Variants in CDH12 observed in about 807,000 individuals in gnomAD.
CDH12 encodes the protein cadherin-12.
Under a neutral mutation model 74.1 loss-of-function variants are expected in CDH12, and 41 were observed. The observed-to-expected ratio is 0.55, with a 90% CI of 0.43 to 0.72. The LOEUF is 0.72. Among genes scored for constraint, CDH12 ranks in the 30% least tolerant of loss-of-function variants. CDH12 has a pLI of 0.00. For synonymous variants in CDH12, 399 were observed against 355.0 expected (o/e 1.12, Z -1.39); for missense variants, 945 against 977.2 (o/e 0.97, Z 0.44).
intron 3 of CDH12, among the ~76,000 whole-genome samples, chr5:22,370,276 T>C (rs1271883101): frequency 6.6e-6 from 1 of 152,270 alleles, no homozygotes; most frequent in East Asian, 1.9e-4. Flanking sequence ...TATCAACCAA[T>C]CACTGTCAAG....
chr5:21,875,529 T>C (rs1751881119), intron 6 of CDH12, among the ~76,000 whole-genome samples: 1 of 152,294 alleles, frequency 6.6e-6, no homozygotes, highest in Non-Finnish European at 1.5e-5. Flanking sequence ...ATTAATCTTT[T>C]GGTTACAGGG....
chr5:22,801,765 T>C (rs1023818667), intron 1 of CDH12, among the ~76,000 whole-genome samples: 6 of 150,034 alleles, frequency 4.0e-5, no homozygotes, highest in Non-Finnish European at 8.9e-5. Flanking sequence ...CAAACACTAA[T>C]GGCAACTTTG....
At chr5:22,442,529 T>C (rs1744666488) in intron 2 of CDH12, among the ~76,000 whole-genome samples, 1 of 152,192 alleles carries the variant, frequency 6.6e-6, no homozygotes, top group Non-Finnish European at 1.5e-5. Context: ...GCAATTTAAT[T>C]CTATGAGACA....
chr5:22,148,698 G>T (rs71609258), intron 4 of CDH12, among the ~76,000 whole-genome samples: 1 of 152,282 alleles, frequency 6.6e-6, no homozygotes, highest in South Asian at 2.1e-4. Flanking sequence ...TTGTCACTCC[G>T]TGGCATTCCT....
intron 2 of CDH12, among the ~76,000 whole-genome samples, chr5:22,430,007 T>G (rs898452221): frequency 1.3e-5 from 2 of 152,156 alleles, no homozygotes; most frequent in African/African-American, 4.8e-5. Flanking sequence ...CCCAGGGTAA[T>G]CTATTGGTTA....
chr5:22,455,410 T>C (rs1162480379), intron 2 of CDH12, among the ~76,000 whole-genome samples: 1 of 152,164 alleles, frequency 6.6e-6, no homozygotes, highest in Non-Finnish European at 1.5e-5. Flanking sequence ...ATCATCAGCA[T>C]TACCCGGGAA....
chr5:22,652,805 G>T (rs543753596), intron 1 of CDH12, among the ~76,000 whole-genome samples: 10 of 152,242 alleles, frequency 6.6e-5, no homozygotes, highest in African/African-American at 1.9e-4. Context: ...TTTCAAGGGA[G>T]TTAGATAGTA....
intron 11 of CDH12, among the ~76,000 whole-genome samples, chr5:21,775,655 T>C (rs1348272299): frequency 6.6e-6 from 1 of 152,180 alleles, no homozygotes; most frequent in South Asian, 2.1e-4. Flanking sequence ...TTCTTTTTTT[T>C]AATATTTTAA....
intron 1 of CDH12, among the ~76,000 whole-genome samples, chr5:22,685,554 T>C (rs1741739979): frequency 6.6e-6 from 1 of 152,208 alleles, no homozygotes; most frequent in Non-Finnish European, 1.5e-5. Context: ...ATACTCTTAA[T>C]CCACACCTCC....
intron 3 of CDH12, among the ~76,000 whole-genome samples, chr5:22,227,160 C>T (rs1332853778): frequency 1.3e-5 from 2 of 152,068 alleles, no homozygotes; most frequent in African/African-American, 4.8e-5. Context: ...AATTGCATGA[C>T]ACTGGATCAC....
intron 1 of CDH12, among the ~76,000 whole-genome samples, chr5:22,719,996 C>T (rs946870570): frequency 2.0e-5 from 3 of 151,504 alleles, no homozygotes; most frequent in African/African-American, 2.4e-5. Flanking sequence ...GTCTTTTCAA[C>T]CAAAAAACTG....
At chr5:21,952,106 T>G (rs900908610) in intron 6 of CDH12, among the ~76,000 whole-genome samples, 1 of 152,188 alleles carries the variant, frequency 6.6e-6, no homozygotes, top group Non-Finnish European at 1.5e-5. Context: ...ATCTGGAAGA[T>G]GAGGGTACTA....
chr5:21,814,408 T>A (rs953009127), intron 9 of CDH12, among the ~76,000 whole-genome samples: 64 of 151,942 alleles, frequency 4.2e-4, no homozygotes, highest in Non-Finnish European at 7.7e-4. Flanking sequence ...ATAGTTGAAC[T>A]TACATAACTG....
chr5:22,564,318 C>T (rs912662019), intron 1 of CDH12, among the ~76,000 whole-genome samples: 2 of 152,220 alleles, frequency 1.3e-5, no homozygotes, highest in South Asian at 4.1e-4. Context: ...ATTTCTCTAT[C>T]GTATGAACTA....
At chr5:21,965,860 T>C (rs1351105485) in intron 6 of CDH12, among the ~76,000 whole-genome samples, 1 of 152,128 alleles carries the variant, frequency 6.6e-6, no homozygotes, top group African/African-American at 2.4e-5. Flanking sequence ...CAATATCGAG[T>C]TGTTCTTTCA....
intron 2 of CDH12, among the ~76,000 whole-genome samples, chr5:22,451,043 G>T (rs1428011027): frequency 6.6e-6 from 1 of 151,774 alleles, no homozygotes; most frequent in African/African-American, 2.4e-5. Context: ...CTCCCTTGAA[G>T]TAACTACCTA....
chr5:22,757,730 T>C (rs1049523709), intron 1 of CDH12, among the ~76,000 whole-genome samples: 2 of 152,226 alleles, frequency 1.3e-5, no homozygotes, highest in Non-Finnish European at 2.9e-5. Context: ...TGACCTTGGA[T>C]TGTCAGCTTT....
intron 5 of CDH12, among the ~76,000 whole-genome samples, chr5:22,053,921 T>G (rs1440682228): frequency 6.6e-6 from 1 of 152,162 alleles, no homozygotes; most frequent in African/African-American, 2.4e-5. Flanking sequence ...CCAAGAATCA[T>G]CTTCAATTAT....
chr5:22,523,984 T>TTA lies in CDH12; in HGVS notation c.-522-18621_-522-18620insTA, dbSNP rs1554047105. 2.9e-4 allele frequency among the ~76,000 whole-genome samples: 34 copies of TTA among 117,030 alleles called. 1 individual carries two copies. Among genetic ancestry groups the TTA allele is most frequent in the South Asian group, 1.4e-3 (5 of 3,680 alleles). The allele number at this position is 117,030 out of a possible 152,430, so 76.8% of individuals were successfully genotyped here. A position where few individuals can be genotyped will look rare whatever the true frequency, so the allele number is the denominator to read the frequency against. ...GCTTCATTCATTTATTATTATTATT[T>TTA]TTTTTTTTTTTTTTTGAGACAAGGT... is the stretch of plus-strand genomic sequence containing the variant. On this transcript the variant is annotated intron_variant, in intron 1 of 14. Coordinates refer to ENST00000382254, the MANE Select transcript of CDH12 (RefSeq NM_004061.5).
Sources: allele counts gnomAD v4.1 joint callset (sites outside exome capture counted in the v4.1 genomes callset), GRCh38; gene constraint gnomAD v4.1.1; transcripts MANE v1.5; gene names NCBI Gene and HGNC (gene_info 2026-07-23, HGNC 2026-07-21).